MROH7: variants seen among roughly 807,000 people sequenced by gnomAD.
MROH7 encodes the protein maestro heat-like repeat-containing protein family member 7.
A neutral mutation model predicts 129.2 loss-of-function variants in MROH7; 113 were observed. The ratio of observed to expected loss-of-function variants is 0.87; its 90% CI spans 0.75 to 1.02. MROH7 has a LOEUF of 1.02. Ranked by LOEUF, MROH7 falls within the 50% of genes least tolerant of loss-of-function variation. MROH7 has a pLI of 0.00. For missense variants in MROH7, 1,601 were observed against 1,671.3 expected, an observed-to-expected ratio of 0.96 and a Z score of 0.73; for synonymous variants, 655 against 667.9, an observed-to-expected ratio of 0.98 and a Z score of 0.30.
At chr1:54,686,149 G>A (rs1645143120) in intron 14 of MROH7, 109 bp from the exon 15 acceptor site, 1 of 992,300 alleles carries the variant, frequency 1.0e-6, no homozygotes, top group Non-Finnish European at 1.5e-6. Flanking sequence ...CTGGGCCAGA[G>A]GACAGCAAAG....
intron 4 of MROH7, chr1:54,665,540 TA>T (rs1644800447): frequency 8.7e-6 from 2 of 230,740 alleles, no homozygotes; most frequent in African/African-American, 4.5e-5. Flanking sequence ...AAAATATTTT[TA>T]AACAATTGAA....
intron 3 of MROH7, 109 bp from the exon 4 acceptor site, chr1:54,665,058 G>T (rs2101093128): frequency 2.7e-6 from 2 of 733,204 alleles, no homozygotes; most frequent in Middle Eastern, 2.5e-4. Flanking sequence ...TGGCTGCTGG[G>T]GTGGGGTAAG....
At position 54,700,466 on chromosome 1, in the gene MROH7, G is replaced by A; in HGVS notation, c.3105+5G>A. 1 of 1,574,936 alleles carries A rather than the reference G, an allele frequency of 6.3e-7. No homozygotes were observed. The highest frequency in any genetic ancestry group is 1.3e-5 in the African/African-American group (1 of 74,220). Reference sequence around the variant, plus strand: ...CTGGCCCGCAGGTCTGAGAAGGTGAGTGGGAGGCAGAGGAAAGCCTGGCCC... The same window carrying A: ...CTGGCCCGCAGGTCTGAGAAGGTGAATGGGAGGCAGAGGAAAGCCTGGCCC... On this transcript the variant is annotated splice_donor_5th_base_variant and intron_variant, in intron 18 of 23. Coordinates refer to ENST00000421030, the MANE Select transcript of MROH7 (RefSeq NM_001039464.4).
rs544857470 is a variant in MROH7, at chr1:54,667,199, A to G, written c.1306-1655A>G. Among the ~76,000 whole-genome samples the G allele has an allele frequency of 3.9e-5, 6 of 152,316 alleles. No individual in the cohort carries two copies. The South Asian group carries it at 1.2e-3, about 32-fold the overall frequency. ...GCTCTTGTCATTTAGGACTCAGCCC[A>G]GGTGTTAACTCCTCTGAGTGGTCTT... is the stretch of plus-strand genomic sequence containing the variant. On this transcript the variant is annotated intron_variant, in intron 4 of 23. Coordinates refer to ENST00000421030, the MANE Select transcript of MROH7 (RefSeq NM_001039464.4).
intron 21 of MROH7, among the ~76,000 whole-genome samples, chr1:54,705,707 A>T (rs1645521739): frequency 6.6e-6 from 1 of 152,196 alleles, no homozygotes; most frequent in Admixed American, 6.5e-5. Flanking sequence ...TGGGCATGAC[A>T]GGTGGAGTCA....
rs1249929947 is a variant in MROH7 at position 54,701,263 on chromosome 1, C to A, written c.3226C>A (p.Leu1076Met). 1 of 1,613,750 alleles carries A rather than the reference C, an allele frequency of 6.2e-7. No individual in the cohort carries two copies. Among genetic ancestry groups the A allele is most frequent in the Non-Finnish European group, 8.5e-7 (1 of 1,179,762 alleles). ...KAVFKGRDQK[L>M]MDSAVYVEML... ...TGTCTTCAAGGGGCGGGACCAGAAG[C>A]TGATGGACAGTGCGGTCTATGTGGA... Residue 1076 changes from leucine (L) to methionine (M), a missense_variant, in exon 19 of 24, where the codon CTG becomes ATG. By Grantham distance (15) the Leu-to-Met change is conservative. Transcript: ENST00000421030.
In MROH7 at chr1:54,710,219, G is replaced by T. The variant is rs772145345; in HGVS notation, c.*32G>T. 2.9e-5 allele frequency: 46 copies of T among 1,600,458 alleles called. No homozygotes were observed. The highest frequency in any genetic ancestry group is 3.5e-5 in the Non-Finnish European group (41 of 1,175,122). On this transcript the variant is annotated 3_prime_UTR_variant, in exon 24 of 24. Coordinates refer to ENST00000421030, the MANE Select transcript of MROH7 (RefSeq NM_001039464.4). ...TGAGCCCCAAACCCTCCTCAGGGTG[G>T]TTGAGTTCCAGCCATGCTCCCTATA...
intron 3 of MROH7, chr1:54,663,790 T>C (rs1212249314): frequency 2.2e-6 from 1 of 455,238 alleles, no homozygotes; most frequent in Non-Finnish European, 4.4e-6. Context: ...CTTTCCCTGC[T>C]TGAGTCCTGG....
At chr1:54,690,871 CTG>C (rs1283452008) in intron 15 of MROH7, among the ~76,000 whole-genome samples, 1 of 152,186 alleles carries the variant, frequency 6.6e-6, no homozygotes, top group Non-Finnish European at 1.5e-5. Flanking sequence ...GGAGCTCAAT[CTG>C]TGCCCAAGCC....
intron 15 of MROH7, among the ~76,000 whole-genome samples, chr1:54,691,609 C>G (rs1645237539): frequency 6.6e-6 from 1 of 152,022 alleles, no homozygotes; most frequent in South Asian, 2.1e-4. Flanking sequence ...AGTTCAAGAC[C>G]AGCCTGGCCA....
chr1:54,706,327 T>C, intron 21 of MROH7, 108 bp from the exon 22 acceptor site: 1 of 761,760 alleles, frequency 1.3e-6, no homozygotes, highest in Non-Finnish European at 2.3e-6. Flanking sequence ...GGAGCAGATA[T>C]ATTTGGGAGG....
chr1:54,705,486 T>C (rs1225143571), intron 21 of MROH7, among the ~76,000 whole-genome samples: 1 of 152,180 alleles, frequency 6.6e-6, no homozygotes, highest in Non-Finnish European at 1.5e-5. Context: ...ATGAGCAAGA[T>C]CTGCTAGAAA....
At chr1:54,657,376 AATT>A (rs1039136380) in intron 3 of MROH7, among the ~76,000 whole-genome samples, 2 of 151,862 alleles carry the variant, frequency 1.3e-5, no homozygotes, top group South Asian at 2.1e-4. Context: ...AACATTTTTA[AATT>A]ATTATTATTA....
chr1:54,708,905 G>C, intron 22 of MROH7, 109 bp from the exon 23 acceptor site: 1 of 919,348 alleles, frequency 1.1e-6, no homozygotes, highest in Non-Finnish European at 1.8e-6. Context: ...CATGTGTGGG[G>C]CTGGAGGATA....
rs1239663613 is a variant in MROH7, at chr1:54,702,248, G to A, written c.3441+3G>A. The A allele has an allele frequency of 3.9e-6, 6 of 1,520,582 alleles. No homozygotes were observed. Among genetic ancestry groups the A allele is most frequent in the Non-Finnish European group, 5.3e-6 (6 of 1,129,726 alleles). 94.2% of individuals were successfully genotyped at this position (1,520,582 alleles called of 1,614,324 possible). On this transcript the variant is annotated splice_donor_region_variant and intron_variant, in intron 20 of 23. Transcript: ENST00000421030. ...AGGGCAACTCCAAGGTAAGCCAGGTGAGTGTGCGTGGGCCCTGCACCCTCT... is the reference window on the plus strand; with the variant it reads ...AGGGCAACTCCAAGGTAAGCCAGGTAAGTGTGCGTGGGCCCTGCACCCTCT...
rs778691838 is a variant in MROH7, at chr1:54,674,038, TGG to T, written c.1826_1827del (p.Gly609AlafsTer14). On this transcript the variant is annotated frameshift_variant, in exon 10 of 24. Coordinates refer to ENST00000421030, the MANE Select transcript of MROH7 (RefSeq NM_001039464.4). LOFTEE classifies it high-confidence loss of function. ...CAGATGCCCTTGGGGTTCCCGGCGCTGGGGCTTCTGCTGGGGAGACTCATCCT... is the reference window on the plus strand; with the variant it reads ...CAGATGCCCTTGGGGTTCCCGGCGCTGGCTTCTGCTGGGGAGACTCATCCT... 1.2e-6 allele frequency: 2 copies of T among 1,614,026 alleles called. No homozygotes were observed. The highest frequency in any genetic ancestry group is 2.2e-5 in the South Asian group (2 of 91,092).
chr1:54,710,266 C>T lies in MROH7; in HGVS notation c.*79C>T. ...TATAAATGTCATGTGGCTTACCTCTCCATCTTGATTGTTTCCTCCTGGGAC... is the reference window on the plus strand; with the variant it reads ...TATAAATGTCATGTGGCTTACCTCTTCATCTTGATTGTTTCCTCCTGGGAC... On this transcript the variant is annotated 3_prime_UTR_variant, in exon 24 of 24. Transcript: ENST00000421030. The T allele has an allele frequency of 6.6e-7, 1 of 1,506,828 alleles. No individual in the cohort carries two copies. The highest frequency in any genetic ancestry group is 9.0e-7 in the Non-Finnish European group (1 of 1,110,266). The allele number at this position is 1,506,828 out of a possible 1,614,324, so 93.3% of individuals were successfully genotyped here. A position where few individuals can be genotyped will look rare whatever the true frequency, so the allele number is the denominator to read the frequency against.
chr1:54,702,167 G>A lies in MROH7; in HGVS notation c.3363G>A (p.Gln1121=), dbSNP rs1228891353. The change falls in exon 20 of 24, where the codon CAG becomes CAA. Residue 1121 remains glutamine, a synonymous_variant. Coordinates refer to ENST00000421030, the MANE Select transcript of MROH7 (RefSeq NM_001039464.4). ...VVQKLRAPRT[Q]AMEEQLVSTL... ...AGAAGCTTCGGGCACCACGCACTCA[G>A]GCCATGGAGGAGCAGCTGGTCAGCA... The A allele has an allele frequency of 1.2e-6, 2 of 1,609,672 alleles. No individual in the cohort carries two copies. The highest frequency in any genetic ancestry group is 1.7e-6 in the Non-Finnish European group (2 of 1,178,268).
intron 1 of MROH7, among the ~76,000 whole-genome samples, chr1:54,646,599 A>G (rs1644470969): frequency 6.6e-6 from 1 of 152,214 alleles, no homozygotes; most frequent in Admixed American, 6.5e-5. Context: ...AGAAGGGAAG[A>G]ACAGAGAAAA....
Sources: gnomAD v4.1 joint callset for allele counts (sites outside exome capture counted in the v4.1 genomes callset) on GRCh38, gnomAD v4.1.1 for gene constraint, MANE v1.5 for transcripts, NCBI Gene and HGNC (gene_info 2026-07-23, HGNC 2026-07-21) for gene names.